Variants in DZIP1L observed in about 807,000 individuals in gnomAD.
The protein encoded by DZIP1L is DAZ interacting zinc finger protein 1 like.
Under a neutral mutation model 88.7 loss-of-function variants are expected in DZIP1L, and 90 were observed. The observed-to-expected ratio is 1.02, with a 90% CI of 0.86 to 1.21. The LOEUF (loss-of-function observed/expected upper bound fraction) is 1.21, where lower values mean the gene tolerates loss of function less well. DZIP1L is among the 50% of genes most tolerant of loss of function. The probability of loss-of-function intolerance (pLI) is 0.00; values close to 1 mark genes in which losing one functional copy is unlikely to be tolerated. For synonymous variants in DZIP1L, 363 were observed against 372.1 expected (o/e 0.98, Z 0.28); for missense variants, 932 against 955.8 (o/e 0.98, Z 0.33).
intron 11 of DZIP1L, among the ~76,000 whole-genome samples, chr3:138,074,462 G>C (rs1473617222): frequency 2.0e-5 from 3 of 152,168 alleles, no homozygotes; most frequent in Non-Finnish European, 2.9e-5. Context: ...GTGAAACTAA[G>C]CTTCATAAAT....
At chr3:138,083,666 G>A (rs781381873) in intron 8 of DZIP1L, among the ~76,000 whole-genome samples, 11 of 152,232 alleles carry the variant, frequency 7.2e-5, no homozygotes, top group South Asian at 2.1e-4. Flanking sequence ...CACGCTTTGC[G>A]TTCTTCCTGC....
chr3:138,084,340 G>GTCAGCTTAT, intron 7 of DZIP1L, 87 bp from the exon 8 acceptor site: 1 of 1,509,076 alleles, frequency 6.6e-7, no homozygotes. Flanking sequence ...CTGTAGGCAA[G>GTCAGCTTAT]TGCCAGGCAA....
intron 1 of DZIP1L, chr3:138,108,311 C>G: frequency 1.3e-6 from 1 of 778,496 alleles, no homozygotes; most frequent in Non-Finnish European, 1.6e-6. Flanking sequence ...GGTAATAAGA[C>G]ACCTGCTTCC....
At chr3:138,087,118 G>T in intron 6 of DZIP1L, 95 bp from the exon 7 acceptor site, 1 of 1,113,372 alleles carries the variant, frequency 9.0e-7, no homozygotes, top group South Asian at 1.4e-5. Flanking sequence ...TCATGGGTAG[G>T]CAGACAGAGT....
intron 1 of DZIP1L, chr3:138,112,516 G>A (rs535361435): frequency 1.6e-4 from 25 of 152,164 alleles, no homozygotes; most frequent in Middle Eastern, 3.4e-3. Context: ...TAGGATAGGC[G>A]GACAAAAAGC....
Position 138,086,959 on chromosome 3 carries a change from A to G in DZIP1L, c.1062+2T>C. ...TCCCCGAGATCACCCAACAAAAGCT[A>G]CCTCTTTCTTCTCAGCCATGTGCTC... On this transcript the variant is annotated splice_donor_variant, in intron 7 of 15. Transcript: ENST00000327532. LOFTEE classifies it high-confidence loss of function. The G allele has an allele frequency of 1.2e-6, 2 of 1,613,478 alleles. No individual in the cohort carries two copies. Among genetic ancestry groups the G allele is most frequent in the African/African-American group, 1.3e-5 (1 of 74,898 alleles).
rs78234197 is a variant in DZIP1L, at chr3:138,070,340, A to C, written c.1615+1303T>G. Among the ~76,000 whole-genome samples the C allele has an allele frequency of 2.3e-3, 353 of 152,348 alleles. 1 individual carries two copies. Among genetic ancestry groups the C allele is most frequent in the East Asian group, 5.0e-3 (26 of 5,178 alleles). On this transcript the variant is annotated intron_variant, in intron 12 of 15. Coordinates refer to ENST00000327532, the MANE Select transcript of DZIP1L (RefSeq NM_173543.3). ...AGGATATACGTTTAAATTGGAGCAT[A>C]AAAGGCAGATTGGCAACCAGGACAA...
At position 138,084,149 on chromosome 3, in the gene DZIP1L, C is replaced by T; in HGVS notation, c.1167G>A (p.Gln389=). The change falls in exon 8 of 16, where the codon CAG becomes CAA. Residue 389 remains glutamine, a synonymous_variant. Transcript: ENST00000327532. ...GGGAGGCAATGATCCTAGCTTGTTC[C>T]TGCAGCTGGGCACGGAGGGTGCTGA... is the stretch of plus-strand genomic sequence containing the variant. ...CQISTLRAQL[Q]EQARIIASQE... 6.2e-7 allele frequency: 1 copy of T among 1,614,162 alleles called. No individual in the cohort carries two copies. The highest frequency in any genetic ancestry group is 8.5e-7 in the Non-Finnish European group (1 of 1,180,002).
rs890846008 is a variant in DZIP1L, at chr3:138,092,373, T to G, written c.870+10A>C. 1.3e-6 allele frequency: 2 copies of G among 1,520,954 alleles called. No homozygotes were observed. The highest frequency in any genetic ancestry group is 8.8e-7 in the Non-Finnish European group (1 of 1,141,760). 94.2% of individuals were successfully genotyped at this position (1,520,954 alleles called of 1,614,324 possible). On this transcript the variant is annotated intron_variant, in intron 5 of 15. Coordinates refer to ENST00000327532, the MANE Select transcript of DZIP1L (RefSeq NM_173543.3). ...CAAAGAAACTTTAAAAAGCCTTTTA[T>G]GTTGGGTACCTCTTCTAGTGTAGAG... is the stretch of plus-strand genomic sequence containing the variant.
chr3:138,114,710 G>A (rs567765950), intron 1 of DZIP1L, among the ~76,000 whole-genome samples: 13 of 152,110 alleles, frequency 8.5e-5, no homozygotes, highest in Admixed American at 2.6e-4. Flanking sequence ...GAAGTGCTCC[G>A]TGAACTAGGC....
At chr3:138,104,907 A>T (rs138159038) in intron 1 of DZIP1L, among the ~76,000 whole-genome samples, 1 of 152,240 alleles carries the variant, frequency 6.6e-6, no homozygotes, top group African/African-American at 2.4e-5. Context: ...TCCACTACTA[A>T]AAATTATAAT....
At chr3:138,099,101 C>T (rs1445386677) in intron 2 of DZIP1L, among the ~76,000 whole-genome samples, 1 of 152,146 alleles carries the variant, frequency 6.6e-6, no homozygotes, top group African/African-American at 2.4e-5. Context: ...CAGACTGCAG[C>T]CTGGATGACA....
At chr3:138,099,286 T>C (rs1944616738) in intron 2 of DZIP1L, among the ~76,000 whole-genome samples, 1 of 152,202 alleles carries the variant, frequency 6.6e-6, no homozygotes, top group Non-Finnish European at 1.5e-5. Context: ...TTTGTAAACT[T>C]ACATTATGAG....
At position 138,086,909 on chromosome 3, in the gene DZIP1L, G is replaced by C. The variant is rs1448634801; in HGVS notation, c.1062+52C>G. 1.9e-6 allele frequency: 3 copies of C among 1,588,702 alleles called. No individual in the cohort carries two copies. In the Admixed American group the frequency reaches 5.1e-5, roughly 27 times the overall value. On this transcript the variant is annotated intron_variant, in intron 7 of 15. Transcript: ENST00000327532. ...GGGGGCGTGGAGAATGCTGAATTCT[G>C]AGAGGAGGTCACAGGAAACCAAGCT... is the stretch of plus-strand genomic sequence containing the variant.
intron 2 of DZIP1L, among the ~76,000 whole-genome samples, chr3:138,101,268 C>CA (rs201297746): frequency 1.3e-3 from 185 of 140,616 alleles, no homozygotes; most frequent in South Asian, 0.013. Context: ...TATTTTGGAC[C>CA]AAAAAAAAAA....
chr3:138,108,267 G>A, intron 1 of DZIP1L: 1 of 984,492 alleles, frequency 1.0e-6, no homozygotes, highest in Non-Finnish European at 1.2e-6. Flanking sequence ...GTGCCTCGGA[G>A]CAACAGCAGG....
Position 138,063,555 on chromosome 3 carries a change from C to T in DZIP1L, c.2143-578G>A, listed in dbSNP as rs1942773134. ...CTGACCACAGCCACCTGCGTAGCAGCCCAGGCTTTCCCCTCTGGAGTCCTC... is the reference window on the plus strand; with the variant it reads ...CTGACCACAGCCACCTGCGTAGCAGTCCAGGCTTTCCCCTCTGGAGTCCTC... On this transcript the variant is annotated intron_variant, in intron 15 of 15. Transcript: ENST00000327532. This position sits in a 1 kb window ranked among gnomAD's most constrained non-coding sequence, Gnocchi z 4.1. 1.3e-5 allele frequency among the ~76,000 whole-genome samples: 2 copies of T among 152,194 alleles called. No individual in the cohort carries two copies. Among genetic ancestry groups the T allele is most frequent in the Admixed American group, 6.5e-5 (1 of 15,288 alleles).
At position 138,104,047 on chromosome 3, in the gene DZIP1L, G is replaced by A; in HGVS notation, c.-76C>T. On this transcript the variant is annotated 5_prime_UTR_variant, in exon 2 of 16. Transcript: ENST00000327532. ...ACGGCAGTAGGCCAAGGAGCTGAGAGAAGGCCTGGAAAATAAGAAGAGAGT... is the reference window on the plus strand; with the variant it reads ...ACGGCAGTAGGCCAAGGAGCTGAGAAAAGGCCTGGAAAATAAGAAGAGAGT... The A allele has an allele frequency of 6.6e-7, 1 of 1,522,318 alleles. No homozygotes were observed. The highest frequency in any genetic ancestry group is 2.3e-5 in the East Asian group (1 of 44,400). The allele number at this position is 1,522,318 out of a possible 1,614,324, so 94.3% of individuals were successfully genotyped here.
In DZIP1L at chr3:138,103,883, T is replaced by A. The variant is rs745353973; in HGVS notation, c.89A>T (p.His30Leu). Residue 30 changes from histidine to leucine, a missense_variant, in exon 2 of 16, where the codon CAT becomes CTT. His to Leu is a moderately conservative substitution (Grantham distance 99). Transcript: ENST00000327532. Reference sequence around the variant, plus strand: ...AATGCGTCTCCAGTCCATGCTATCATGGCGAGGCTGAAACTTGAAGGTGGG... The same window carrying A: ...AATGCGTCTCCAGTCCATGCTATCAAGGCGAGGCTGAAACTTGAAGGTGGG... ...TFPTFKFQPR[H>L]DSMDWRRIST... The A allele has an allele frequency of 6.2e-7, 1 of 1,613,982 alleles. No individual in the cohort carries two copies. Among genetic ancestry groups the A allele is most frequent in the Admixed American group, 1.7e-5 (1 of 60,038 alleles).
Sources: allele counts gnomAD v4.1 joint callset (sites outside exome capture counted in the v4.1 genomes callset), GRCh38; gene constraint gnomAD v4.1.1; non-coding constraint Gnocchi (gnomAD v3.1); transcripts MANE v1.5; gene names NCBI Gene and HGNC (gene_info 2026-07-23, HGNC 2026-07-21).